Variants in TOP1MT observed in about 807,000 individuals in gnomAD.
TOP1MT encodes the protein DNA topoisomerase I, mitochondrial.
A neutral mutation model predicts 73.9 loss-of-function variants in TOP1MT; 80 were observed. The ratio of observed to expected loss-of-function variants is 1.08; its 90% CI spans 0.90 to 1.30. TOP1MT has a LOEUF of 1.30. Ranked by LOEUF, TOP1MT falls within the 50% of genes most tolerant of loss-of-function variation. The pLI, the probability that TOP1MT is intolerant of heterozygous loss-of-function variation, is 0.00. For synonymous variants in TOP1MT, 338 were observed against 326.4 expected (o/e 1.04, Z -0.38); for missense variants, 815 against 808.0 (o/e 1.01, Z -0.10).
chr8:143,331,246 G>T lies in TOP1MT; in HGVS notation c.216C>A (p.Asp72Glu), dbSNP rs2450772. 1.9e-6 allele frequency: 3 copies of T among 1,609,646 alleles called. No homozygotes were observed. The highest frequency in any genetic ancestry group is 3.3e-4 in the Middle Eastern group (2 of 6,046). ...YFAPPYEPLP[D>E]GVRFFYEGRP... Reference sequence around the variant, plus strand: ...TACCTTCATAGAAGAAACGCACTCCGTCGGGAAGGGGCTCGTATGGGGGTG... The same window carrying T: ...TACCTTCATAGAAGAAACGCACTCCTTCGGGAAGGGGCTCGTATGGGGGTG... The change falls in exon 2 of 14, where the codon GAC becomes GAA. Residue 72 changes from aspartate (D) to glutamate (E), a missense_variant. Physicochemically the swap from Asp to Glu is conservative, Grantham distance 45. This residue lies in a region of TOP1MT where 751 missense variants were observed against 725.4 expected (regional missense o/e 1.04). Transcript: ENST00000329245.
intron 1 of TOP1MT, among the ~76,000 whole-genome samples, chr8:143,332,155 C>A (rs1816875126): frequency 1.3e-5 from 2 of 152,248 alleles, no homozygotes; most frequent in Admixed American, 6.5e-5. Context: ...TTGAGGCAAG[C>A]CCAAGCCTGC....
intron 12 of TOP1MT, among the ~76,000 whole-genome samples, chr8:143,310,885 C>T (rs141514788): frequency 0.017 from 2,529 of 151,864 alleles, 30 homozygotes; most frequent in Middle Eastern, 0.045. Flanking sequence ...TATGTGAAAA[C>T]AAGGAGGGAA....
In TOP1MT at chr8:143,331,280, G is replaced by T; in HGVS notation, c.182C>A (p.Pro61Gln). The change falls in exon 2 of 14, where the codon CCG (proline) becomes CAG (glutamine). Residue 61 changes from proline to glutamine, a missense_variant. Pro to Gln is a moderately conservative substitution (Grantham distance 76, BLOSUM62 -1). Coordinates refer to ENST00000329245, the MANE Select transcript of TOP1MT (RefSeq NM_052963.3). ...VKWRQLEHKG[P>Q]YFAPPYEPLP... ...GGGCTCGTATGGGGGTGCGAAGTAC[G>T]GGCCCTTGTGCTCCAGCTGTCTCCA... 1 of 1,612,910 alleles carries T rather than the reference G, an allele frequency of 6.2e-7. No individual in the cohort carries two copies. Among genetic ancestry groups the T allele is most frequent in the Non-Finnish European group, 8.5e-7 (1 of 1,179,150 alleles).
intron 2 of TOP1MT, among the ~76,000 whole-genome samples, chr8:143,340,431 C>A (rs1352250295): frequency 6.6e-6 from 1 of 152,138 alleles, no homozygotes; most frequent in East Asian, 1.9e-4. Flanking sequence ...CCTTCTCCCA[C>A]CCTTTCTGGC....
chr8:143,310,943 A>C (rs957078813), intron 12 of TOP1MT, among the ~76,000 whole-genome samples: 2 of 150,054 alleles, frequency 1.3e-5, no homozygotes, highest in African/African-American at 4.9e-5. Context: ...GGAAATGCTT[A>C]AGAAATTTCT....
Position 143,332,579 on chromosome 8 carries a change from G to A in TOP1MT, c.123-1240C>T. The A allele has an allele frequency of 3.9e-6, 5 of 1,289,366 alleles. No individual in the cohort carries two copies. The African/African-American group carries it at 6.1e-5, about 16-fold the overall frequency. The allele number at this position is 1,289,366 out of a possible 1,614,324, so 79.9% of individuals were successfully genotyped here. ...GTCGGCTGGGATGAGTGTCCTCAGA[G>A]CAACAGGAAGTCTCTGAAGGGTCTG... is the stretch of plus-strand genomic sequence containing the variant. On this transcript the variant is annotated intron_variant, in intron 1 of 13. Coordinates refer to ENST00000329245, the MANE Select transcript of TOP1MT (RefSeq NM_052963.3).
In TOP1MT at chr8:143,341,617, C is replaced by T. The variant is rs1425780968; in HGVS notation, c.29+1603G>A. ...GGAAAATGGCCTCTTGATCTCAGCC[C>T]TTGTGGCCTCTGTCAGGAGCAGAAA... On this transcript the variant is annotated intron_variant, in intron 2 of 5. Coordinates refer to the TOP1MT transcript ENST00000518007. The surrounding 1 kb of genome is among the most constrained non-coding windows in gnomAD (Gnocchi z 4.1). Among the ~76,000 whole-genome samples the T allele has an allele frequency of 6.6e-6, 1 of 152,234 alleles. No individual in the cohort carries two copies. Among genetic ancestry groups the T allele is most frequent in the Non-Finnish European group, 1.5e-5 (1 of 68,044 alleles).
upstream of TOP1MT, among the ~76,000 whole-genome samples, chr8:143,356,802 A>G (rs1392711260): frequency 4.1e-5 from 6 of 146,956 alleles, no homozygotes; most frequent in Non-Finnish European, 9.0e-5. Context: ...AAAAAAAAAA[A>G]AAAAAAAAAG....
intron 1 of TOP1MT, among the ~76,000 whole-genome samples, chr8:143,352,370 C>T (rs541080112): frequency 2.6e-5 from 4 of 152,074 alleles, no homozygotes; most frequent in South Asian, 4.1e-4. Flanking sequence ...ACTCAGAGTC[C>T]GGAAATAAAC....
chr8:143,309,612 C>G (rs1815946756), intron 13 of TOP1MT, 69 bp from the exon 14 acceptor site: 2 of 1,600,264 alleles, frequency 1.2e-6, no homozygotes, highest in South Asian at 2.2e-5. Context: ...TCAGGGTGCT[C>G]GGCAAGGGCG....
At chr8:143,319,020 C>T (rs1368181441) in intron 8 of TOP1MT, among the ~76,000 whole-genome samples, 1 of 152,208 alleles carries the variant, frequency 6.6e-6, no homozygotes, top group Admixed American at 6.5e-5. Context: ...CAGAGTGCAA[C>T]TCCCCATCCA....
Position 143,321,131 on chromosome 8 carries a change from C to A in TOP1MT, c.1146+70G>T, listed in dbSNP as rs902622727. ...CGGGCCACAGACCCCACGGCAGCTC[C>A]GGCACGCCCCCAGACATCCAGAGCA... On this transcript the variant is annotated intron_variant, in intron 8 of 13. Transcript: ENST00000329245. The A allele has an allele frequency of 4.1e-6, 6 of 1,460,386 alleles. No homozygotes were observed. In the Admixed American group the frequency reaches 1.3e-4, roughly 31 times the overall value. The allele number at this position is 1,460,386 out of a possible 1,614,324, so 90.5% of individuals were successfully genotyped here. A position where few individuals can be genotyped will look rare whatever the true frequency, so the allele number is the denominator to read the frequency against.
chr8:143,331,557 C>T (rs547721911), intron 1 of TOP1MT, among the ~76,000 whole-genome samples: 9 of 152,312 alleles, frequency 5.9e-5, no homozygotes, highest in East Asian at 1.9e-4. Context: ...TGCAGAGGCC[C>T]GTGTGCTGCT....
chr8:143,317,798 C>G lies in TOP1MT; in HGVS notation c.1255G>C (p.Gly419Arg), dbSNP rs563952364. The change falls in exon 10 of 14, where the codon GGG becomes CGG. Residue 419 changes from glycine to arginine, a missense_variant. Around this residue, in one of 3 missense-constraint regions of TOP1MT, gnomAD observed 751 missense variants for 725.4 expected, o/e 1.04. Coordinates refer to ENST00000329245, the MANE Select transcript of TOP1MT (RefSeq NM_052963.3). ...GTCCGGAACACCTTGGCCGTCAGCCCGTCCATCAGCTCCTGGAGGTGCTTG... is the reference window on the plus strand; with the variant it reads ...GTCCGGAACACCTTGGCCGTCAGCCGGTCCATCAGCTCCTGGAGGTGCTTG... ...LNKHLQELMD[G>R]LTAKVFRTYN... 1.9e-6 allele frequency: 3 copies of G among 1,614,072 alleles called. No homozygotes were observed. Among genetic ancestry groups the G allele is most frequent in the Admixed American group, 1.7e-5 (1 of 60,010 alleles).
chr8:143,333,458 TAATAAA>T (rs1010101555), intron 1 of TOP1MT, among the ~76,000 whole-genome samples: 11 of 152,096 alleles, frequency 7.2e-5, no homozygotes, highest in African/African-American at 2.7e-4. Context: ...CAAATAATAA[TAATAAA>T]AATAAAAATA....
At chr8:143,349,797 C>T (rs1015964664), upstream of TOP1MT, among the ~76,000 whole-genome samples, 7 of 152,098 alleles carry the variant, frequency 4.6e-5, no homozygotes, top group East Asian at 5.8e-4. Context: ...CTCACCACCA[C>T]GCCCAGATAA....
chr8:143,354,728 A>G (rs1242822632), intron 1 of TOP1MT, among the ~76,000 whole-genome samples: 1 of 152,148 alleles, frequency 6.6e-6, no homozygotes, highest in Non-Finnish European at 1.5e-5. Context: ...AAAAAAAAGA[A>G]AAACTTTAGA....
In TOP1MT at chr8:143,318,088, T is replaced by C. The variant is rs975961751; in HGVS notation, c.1147-2A>G. ...AAAGAGCTGTAAGTTCTTGTACACC[T>C]GAAGGAGAAAGAAGGAATTTCAGAG... On this transcript the variant is annotated splice_acceptor_variant, in intron 8 of 13. Transcript: ENST00000329245. LOFTEE classifies it high-confidence loss of function. 6.2e-7 allele frequency: 1 copy of C among 1,613,784 alleles called. No homozygotes were observed. The highest frequency in any genetic ancestry group is 1.3e-5 in the African/African-American group (1 of 74,976).
At chr8:143,313,209 C>T (rs555091051) in intron 12 of TOP1MT, among the ~76,000 whole-genome samples, 6 of 152,308 alleles carry the variant, frequency 3.9e-5, no homozygotes, top group South Asian at 4.1e-4. Flanking sequence ...CTTCTCAGCA[C>T]GCTGACTCAT....
Sources: allele counts gnomAD v4.1 joint callset (sites outside exome capture counted in the v4.1 genomes callset), GRCh38; gene constraint gnomAD v4.1.1; regional missense constraint gnomAD v4.1.1; non-coding constraint Gnocchi (gnomAD v3.1); transcripts MANE v1.5; gene names NCBI Gene and HGNC (gene_info 2026-07-23, HGNC 2026-07-21).